The following SOSTDC1 variants were observed in gnomAD, a reference collection of about 807,000 sequenced individuals.
SOSTDC1 encodes the protein sclerostin domain-containing protein 1.
SOSTDC1 carries 7 observed loss-of-function variants against 15.1 expected under a neutral mutation model. That is an observed-to-expected ratio of 0.46 (90% CI 0.26 to 0.87). The LOEUF is 0.87. SOSTDC1 is among the 40% of genes least tolerant of loss of function. The pLI is 0.15. For synonymous variants in SOSTDC1, 94 were observed against 93.2 expected (o/e 1.01, Z -0.05); for missense variants, 242 against 259.2 (o/e 0.93, Z 0.46).
rs551703929 is a variant in SOSTDC1 at position 16,462,479 on chromosome 7, G to A, written c.*69C>T. On this transcript the variant is annotated 3_prime_UTR_variant, in exon 2 of 2. Coordinates refer to ENST00000307068, the MANE Select transcript of SOSTDC1 (RefSeq NM_015464.3). ...GTGAGAAAACAGCAGTGGCAGGCTT[G>A]AGTCTTCCAAGCAATCAAATCTGTA... The A allele has an allele frequency of 6.6e-7, 1 of 1,505,308 alleles. No individual in the cohort carries two copies. The highest frequency in any genetic ancestry group is 1.2e-5 in the South Asian group (1 of 81,838). The allele number at this position is 1,505,308 out of a possible 1,614,324, so 93.2% of individuals were successfully genotyped here.
rs1781290969 is a variant in SOSTDC1, at chr7:16,465,568, GA to G, written c.100del (p.Ser34HisfsTer17). ...FKNDATEILY[S>X]HVVKPVPAHP... ...TGCTGGAACAGGTTTAACCACATGT[GA>G]ATAAAGGATTTCTGTGGCATCATTT... On this transcript the variant is annotated frameshift_variant, in exon 1 of 2. Coordinates refer to ENST00000307068, the MANE Select transcript of SOSTDC1 (RefSeq NM_015464.3). LOFTEE classifies it high-confidence loss of function. 1 of 1,613,998 alleles carries G rather than the reference GA, an allele frequency of 6.2e-7. No homozygotes were observed. The highest frequency in any genetic ancestry group is 8.5e-7 in the Non-Finnish European group (1 of 1,179,978).
chr7:16,462,717 C>T lies in SOSTDC1; in HGVS notation c.452G>A (p.Ser151Asn). 1.9e-6 allele frequency: 3 copies of T among 1,614,218 alleles called. No individual in the cohort carries two copies. The highest frequency in any genetic ancestry group is 2.5e-6 in the Non-Finnish European group (3 of 1,180,036). ...QRIQLQCQDG[S>N]TRTYKITVVT... ...TACTGTGATTTTGTAGGTGCGTGTG[C>T]TGCCATCTTGGCACTGCAGCTGGAT... The change falls in exon 2 of 2, where the codon AGC becomes AAC. Residue 151 changes from serine to asparagine, a missense_variant. Transcript: ENST00000307068.
intron 1 of SOSTDC1, among the ~76,000 whole-genome samples, chr7:16,464,103 G>A (rs1271706925): frequency 1.3e-5 from 2 of 152,156 alleles, no homozygotes; most frequent in African/African-American, 2.4e-5. Flanking sequence ...AAGATACGTC[G>A]AAGTAGAACT....
At chr7:16,464,300 T>C in intron 1 of SOSTDC1, 1 of 1,541,780 alleles carries the variant, frequency 6.5e-7, no homozygotes, top group Non-Finnish European at 8.8e-7. Flanking sequence ...CGTGCCTGAT[T>C]CTGCCTCCAG....
rs1781227444 is a variant in SOSTDC1, at chr7:16,462,579, G to A, written c.590C>T (p.Ala197Val). ...CATGCTGTGCTTGCTGGATTTGCTG[G>A]CTCTTTTCCGCTCTCTGTGATGCTG... ...PVQHHRERKR[A>V]SKSSKHSMS The change falls in exon 2 of 2, where the codon GCC (alanine) becomes GTC (valine). Residue 197 changes from alanine to valine, a missense_variant. Coordinates refer to ENST00000307068, the MANE Select transcript of SOSTDC1 (RefSeq NM_015464.3). 1.2e-6 allele frequency: 2 copies of A among 1,614,076 alleles called. No homozygotes were observed. The highest frequency in any genetic ancestry group is 1.3e-5 in the African/African-American group (1 of 74,924).
At position 16,462,742 on chromosome 7, in the gene SOSTDC1, T is replaced by TTC. The variant is rs761035981; in HGVS notation, c.425_426dup (p.Ile143GlufsTer18). 1.2e-6 allele frequency: 2 copies of TTC among 1,614,154 alleles called. No homozygotes were observed. Among genetic ancestry groups the TTC allele is most frequent in the Non-Finnish European group, 1.7e-6 (2 of 1,180,028 alleles). ...CTGCCATCTTGGCACTGCAGCTGGA[T>TTC]TCTCTGGGTACGGGTTTTGTCATTG... On this transcript the variant is annotated frameshift_variant, in exon 2 of 2. Coordinates refer to ENST00000307068, the MANE Select transcript of SOSTDC1 (RefSeq NM_015464.3). LOFTEE classifies it high-confidence loss of function.
rs535137743 is a variant in SOSTDC1 at position 16,462,548 on chromosome 7, C to G, written c.621G>C (p.Ter207TyrextTer7). Residue 207 changes from the stop codon to tyrosine (Y), a stop_lost, in exon 2 of 2, where the codon TAG (stop) becomes TAC (tyrosine). Transcript: ENST00000307068. ...ASKSSKHSMS[*>Y] ...AAGTCTAGTTATGGGAGTCTGAGTT[C>G]TAACTCATGCTGTGCTTGCTGGATT... 4 of 1,613,802 alleles carry G rather than the reference C, an allele frequency of 2.5e-6. No individual in the cohort carries two copies. The South Asian group carries it at 3.3e-5, about 13-fold the overall frequency.
chr7:16,463,999 G>GA (rs879543604), intron 1 of SOSTDC1, among the ~76,000 whole-genome samples: 42 of 142,580 alleles, frequency 2.9e-4, no homozygotes, highest in East Asian at 8.1e-4. Context: ...TGCCAACCAG[G>GA]AAAAAAAAAA....
In SOSTDC1 at chr7:16,462,406, T is replaced by TA; in HGVS notation, c.*141dup. 1.1e-6 allele frequency: 1 copy of TA among 891,664 alleles called. No homozygotes were observed. 55.2% of individuals were successfully genotyped at this position (891,664 alleles called of 1,614,324 possible). ...TATTCCCAAAGAAGGTCCTGATACT[T>TA]AAGACAGCTTGCTGGGTTTGATCAA... On this transcript the variant is annotated 3_prime_UTR_variant, in exon 2 of 2. Coordinates refer to ENST00000307068, the MANE Select transcript of SOSTDC1 (RefSeq NM_015464.3).
rs775524895 is a variant in SOSTDC1, at chr7:16,462,290, T to C, written c.*258A>G. The C allele has an allele frequency of 1.4e-5, 6 of 432,008 alleles. No individual in the cohort carries two copies. The highest frequency in any genetic ancestry group is 5.9e-5 in the African/African-American group (3 of 51,082). 26.8% of individuals were successfully genotyped at this position (432,008 alleles called of 1,614,324 possible). A position where few individuals can be genotyped will look rare whatever the true frequency, so the allele number is the denominator to read the frequency against. ...AGTATCAACAGTCTTTTAAGAACAATGAGGAATTAAAACTACAGGATACGT... is the reference window on the plus strand; with the variant it reads ...AGTATCAACAGTCTTTTAAGAACAACGAGGAATTAAAACTACAGGATACGT... On this transcript the variant is annotated 3_prime_UTR_variant, in exon 2 of 2. Transcript: ENST00000307068.
In SOSTDC1 at chr7:16,465,639, G is replaced by A. The variant is rs1250650734; in HGVS notation, c.30C>T (p.Leu10=). ...TCATTAGGATGCATGCAAGGGGAAG[G>A]AGATAGAAATGAATGGCAGGAGGAA... MLPPAIHFY[L]LPLACILMKS... The change falls in exon 1 of 2, where the codon CTC becomes CTT. Residue 10 remains leucine (L), a synonymous_variant. Transcript: ENST00000307068. The A allele has an allele frequency of 6.2e-7, 1 of 1,614,124 alleles. No homozygotes were observed. Among genetic ancestry groups the A allele is most frequent in the East Asian group, 2.2e-5 (1 of 44,872 alleles).
chr7:16,464,194 G>A (rs1000088697), intron 1 of SOSTDC1: 2 of 736,972 alleles, frequency 2.7e-6, no homozygotes, highest in Admixed American at 2.1e-5. Context: ...TGATAGTTGT[G>A]GAAAAACTTA....
Position 16,462,863 on chromosome 7 carries a change from G to A in SOSTDC1, c.306C>T (p.Gly102=), listed in dbSNP as rs774587219. The A allele has an allele frequency of 1.4e-5, 22 of 1,613,976 alleles. No individual in the cohort carries two copies. The South Asian group carries it at 1.4e-4, about 10-fold the overall frequency. The change falls in exon 2 of 2, where the codon GGC becomes GGT. Residue 102 remains glycine, a synonymous_variant. Coordinates refer to ENST00000307068, the MANE Select transcript of SOSTDC1 (RefSeq NM_015464.3). The part of the protein sequence containing the change: ...ISPLKELVCA[G]ECLPLPVLPN... The stretch of plus-strand genomic sequence containing the variant: ...GGAGCACTGGCAGGGGCAAGCACTC[G>A]CCAGCACACACCAGCTCCTTCAGAG...
chr7:16,464,675 T>TC (rs1781275007), intron 1 of SOSTDC1, among the ~76,000 whole-genome samples: 2 of 150,394 alleles, frequency 1.3e-5, no homozygotes, highest in African/African-American at 4.9e-5. Context: ...TCTCTCTCTC[T>TC]TAAAACCTGA....
chr7:16,462,753 C>G lies in SOSTDC1; in HGVS notation c.416G>C (p.Arg139Pro), dbSNP rs367980297. The G allele has an allele frequency of 6.2e-7, 1 of 1,614,032 alleles. No homozygotes were observed. Among genetic ancestry groups the G allele is most frequent in the Admixed American group, 1.7e-5 (1 of 60,006 alleles). ...GCACTGCAGCTGGATTCTCTGGGTA[C>G]GGGTTTTGTCATTGACACACCGCCA... ...QEWRCVNDKT[R>P]TQRIQLQCQD... The change falls in exon 2 of 2, where the codon CGT (arginine) becomes CCT (proline). Residue 139 changes from arginine (R) to proline (P), a missense_variant. Transcript: ENST00000307068.
chr7:16,463,128 A>G (rs1486398963), intron 1 of SOSTDC1, among the ~76,000 whole-genome samples, 165 bp from the exon 2 acceptor site: 2 of 152,204 alleles, frequency 1.3e-5, no homozygotes, highest in Admixed American at 1.3e-4. Flanking sequence ...TCTGGATAGT[A>G]TAGGGACACT....
chr7:16,462,319 A>C lies in SOSTDC1; in HGVS notation c.*229T>G. 1 of 513,264 alleles carries C rather than the reference A, an allele frequency of 1.9e-6. No individual in the cohort carries two copies. Among genetic ancestry groups the C allele is most frequent in the Non-Finnish European group, 3.5e-6 (1 of 287,676 alleles). The allele number at this position is 513,264 out of a possible 1,614,324, so 31.8% of individuals were successfully genotyped here. A position where few individuals can be genotyped will look rare whatever the true frequency, so the allele number is the denominator to read the frequency against. On this transcript the variant is annotated 3_prime_UTR_variant, in exon 2 of 2. Transcript: ENST00000307068. ...GAATTAAAACTACAGGATACGTGGA[A>C]TTTAAATGCAAATTGCATTCATGGA...
chr7:16,463,763 A>C (rs1468246658), intron 1 of SOSTDC1, among the ~76,000 whole-genome samples: 1 of 152,224 alleles, frequency 6.6e-6, no homozygotes, highest in Non-Finnish European at 1.5e-5. Flanking sequence ...TTACAACTGC[A>C]AAAGGAACCA....
At chr7:16,463,094 T>C in intron 1 of SOSTDC1, 131 bp from the exon 2 acceptor site, 6 of 868,300 alleles carry the variant, frequency 6.9e-6, no homozygotes, top group Non-Finnish European at 1.0e-5. Flanking sequence ...GCACCTACTT[T>C]ATTTTCACAG....
Sources: gnomAD v4.1 joint callset for allele counts (sites outside exome capture counted in the v4.1 genomes callset) on GRCh38, gnomAD v4.1.1 for gene constraint, MANE v1.5 for transcripts, NCBI Gene and HGNC (gene_info 2026-07-23, HGNC 2026-07-21) for gene names.